Variants in ENOX2 observed in about 807,000 individuals in gnomAD.
The protein encoded by ENOX2 is APK1 antigen.
A neutral mutation model predicts 45.0 loss-of-function variants in ENOX2; 36 were observed. The ratio of observed to expected loss-of-function variants is 0.80; its 90% CI spans 0.61 to 1.06. ENOX2 has a LOEUF of 1.06. Among genes scored for constraint, ENOX2 ranks in the 50% least tolerant of loss-of-function variants. The pLI is 0.00. For missense variants in ENOX2, 423 were observed against 462.5 expected (o/e 0.91, Z 0.78); for synonymous variants, 174 against 152.3 (o/e 1.14, Z -1.05).
At chrX:130,797,741 T>C (rs955379367) in intron 2 of ENOX2, among the ~76,000 whole-genome samples, 1 of 111,758 alleles carries the variant, frequency 8.9e-6, no homozygotes, top group Non-Finnish European at 1.9e-5. Context: ...CAATTCTACT[T>C]AAAGGTCCTT....
intron 4 of ENOX2, among the ~76,000 whole-genome samples, chrX:130,694,981 G>A (rs761932665): frequency 9.0e-6 from 1 of 111,471 alleles, no homozygotes; most frequent in Non-Finnish European, 1.9e-5. Flanking sequence ...CTAAGGGATG[G>A]GAAATAATAT....
chrX:130,687,844 G>A (rs910256548), intron 5 of ENOX2, among the ~76,000 whole-genome samples: 1 of 111,874 alleles, frequency 8.9e-6, no homozygotes, highest in African/African-American at 3.2e-5. Flanking sequence ...TCTCAGTTAT[G>A]AGCAGACCAT....
intron 3 of ENOX2, among the ~76,000 whole-genome samples, chrX:130,730,767 G>T (rs2038719571): frequency 9.1e-6 from 1 of 110,006 alleles, no homozygotes; most frequent in African/African-American, 3.3e-5. Context: ...GGGTGGGATG[G>T]GGGGAATGGG....
At chrX:130,899,560 T>C (rs2079112726) in intron 2 of ENOX2, among the ~76,000 whole-genome samples, 1 of 112,116 alleles carries the variant, frequency 8.9e-6, no homozygotes, top group Non-Finnish European at 1.9e-5. Context: ...CATTGCCTTG[T>C]GCGTGCATTC....
chrX:130,632,284 G>A (rs2035768508), intron 12 of ENOX2, among the ~76,000 whole-genome samples: 1 of 102,769 alleles, frequency 9.7e-6, no homozygotes, highest in South Asian at 4.4e-4. Context: ...AGCAAGAAAT[G>A]ACCATGACAA....
intron 2 of ENOX2, among the ~76,000 whole-genome samples, chrX:130,837,131 T>C (rs2077941647): frequency 8.9e-6 from 1 of 112,378 alleles, no homozygotes; most frequent in African/African-American, 3.2e-5. Flanking sequence ...TTCATTTGGA[T>C]TACAAATTAT....
At chrX:130,686,175 A>G (rs774581602) in intron 5 of ENOX2, among the ~76,000 whole-genome samples, 2 of 110,903 alleles carry the variant, frequency 1.8e-5, no homozygotes, top group East Asian at 2.9e-4. Flanking sequence ...TTCCTGCCCA[A>G]TTCTCATGTA....
intron 3 of ENOX2, among the ~76,000 whole-genome samples, chrX:130,762,428 A>T (rs1294101126): frequency 5.4e-5 from 6 of 111,893 alleles, no homozygotes; most frequent in Non-Finnish European, 1.1e-4. Context: ...AAAAAAATTT[A>T]AAAATTAGCT....
chrX:130,684,312 T>C (rs2037388411), intron 5 of ENOX2, among the ~76,000 whole-genome samples: 1 of 112,106 alleles, frequency 8.9e-6, no homozygotes, highest in African/African-American at 3.2e-5. Flanking sequence ...GTTATATGAC[T>C]ATCCCCAGAT....
intron 2 of ENOX2, among the ~76,000 whole-genome samples, chrX:130,843,944 G>A (rs1030532525): frequency 4.5e-5 from 5 of 112,170 alleles, no homozygotes; most frequent in African/African-American, 1.3e-4. Context: ...TTTGGTGTCC[G>A]TGGCACTTAG....
At chrX:130,733,118 A>G (rs1339468601) in intron 3 of ENOX2, among the ~76,000 whole-genome samples, 5 of 112,196 alleles carry the variant, frequency 4.5e-5, no homozygotes, top group Admixed American at 1.9e-4. Context: ...TATAAATCAT[A>G]TATCTGACAA....
chrX:130,631,594 T>C lies in ENOX2; in HGVS notation c.1420-18A>G. 2 of 1,008,047 alleles carry C rather than the reference T, an allele frequency of 2.0e-6. No individual in the cohort carries two copies. The highest frequency in any genetic ancestry group is 2.8e-6 in the Non-Finnish European group (2 of 711,342). The allele number at this position is 1,008,047 out of a possible 1,213,427, so 83.1% of individuals were successfully genotyped here. On this transcript the variant is annotated intron_variant, in intron 12 of 14. Coordinates refer to ENST00000394363, the MANE Select transcript of ENOX2 (RefSeq NM_006375.4). Reference sequence around the variant, plus strand: ...CAGCTTTCCTGTGGACACAACATGCTTCTAGGTCAGTTCACTTTATTTGGC... The same window carrying C: ...CAGCTTTCCTGTGGACACAACATGCCTCTAGGTCAGTTCACTTTATTTGGC...
intron 13 of ENOX2, among the ~76,000 whole-genome samples, chrX:130,628,257 A>C (rs2035602830): frequency 8.9e-6 from 1 of 112,400 alleles, no homozygotes; most frequent in South Asian, 3.7e-4. Flanking sequence ...AGATGCACTA[A>C]AAGTGTAAGC....
intron 2 of ENOX2, among the ~76,000 whole-genome samples, chrX:130,823,347 G>C (rs2077653815): frequency 9.0e-6 from 1 of 111,547 alleles, no homozygotes; most frequent in Non-Finnish European, 1.9e-5. Context: ...GGCTGTTTCT[G>C]ATAAGGATTC....
intron 13 of ENOX2, among the ~76,000 whole-genome samples, chrX:130,631,164 C>T (rs903805136): frequency 5.4e-5 from 6 of 110,921 alleles, no homozygotes; most frequent in Non-Finnish European, 9.5e-5. Context: ...TCTATCCTTG[C>T]ACAGATATTT....
chrX:130,631,780 A>G (rs1297288425), intron 12 of ENOX2, among the ~76,000 whole-genome samples: 1 of 111,072 alleles, frequency 9.0e-6, no homozygotes, highest in Non-Finnish European at 1.9e-5. Context: ...AAAACACAGA[A>G]ACATTTAAAC....
intron 2 of ENOX2, among the ~76,000 whole-genome samples, chrX:130,839,179 G>A (rs942821435): frequency 1.8e-5 from 2 of 112,188 alleles, no homozygotes; most frequent in Non-Finnish European, 3.8e-5. Flanking sequence ...TTGGAGTTCA[G>A]TTTTCACCTT....
chrX:130,865,345 C>T (rs2078478760), intron 2 of ENOX2, among the ~76,000 whole-genome samples: 1 of 111,158 alleles, frequency 9.0e-6, no homozygotes, highest in African/African-American at 3.3e-5. Flanking sequence ...CATCTGCCTC[C>T]CTCTGGCTGC....
At chrX:130,848,797 C>T (rs748910044) in intron 2 of ENOX2, among the ~76,000 whole-genome samples, 68 of 109,565 alleles carry the variant, frequency 6.2e-4, no homozygotes, top group African/African-American at 1.9e-3. Context: ...CTGTCAAAAA[C>T]AAAACAAAGC....
Sources: gnomAD v4.1 joint callset for allele counts (sites outside exome capture counted in the v4.1 genomes callset) on GRCh38, gnomAD v4.1.1 for gene constraint, MANE v1.5 for transcripts, NCBI Gene and HGNC (gene_info 2026-07-23, HGNC 2026-07-21) for gene names.